ALMS1: variants seen among roughly 807,000 people sequenced by gnomAD.
ALMS1 encodes the protein centrosome-associated protein ALMS1.
A neutral mutation model predicts 352.2 loss-of-function variants in ALMS1; 271 were observed. That is an observed-to-expected ratio of 0.77 (90% CI 0.70 to 0.85). The LOEUF is 0.85. Ranked by LOEUF, ALMS1 falls within the 40% of genes least tolerant of loss-of-function variation. The probability of loss-of-function intolerance (pLI) is 0.00; values close to 1 mark genes in which losing one functional copy is unlikely to be tolerated. For synonymous variants in ALMS1, 1,865 were observed against 1,761.2 expected, an observed-to-expected ratio of 1.06 and a Z score of -1.48; for missense variants, 5,445 against 4,870.7, an observed-to-expected ratio of 1.12 and a Z score of -3.51.
chr2:73,602,458 G>A, intron 20 of ALMS1, 90 bp downstream of exon 20: 1 of 1,505,306 alleles, frequency 6.6e-7, no homozygotes, highest in Non-Finnish European at 9.2e-7. Flanking sequence ...GGCCAGCCCA[G>A]GCCAGTTACC....
At chr2:73,417,879 G>A (rs1671207152) in intron 2 of ALMS1, among the ~76,000 whole-genome samples, 1 of 152,036 alleles carries the variant, frequency 6.6e-6, no homozygotes, top group Non-Finnish European at 1.5e-5. Flanking sequence ...TATTTAATAC[G>A]ACTTTAATTC....
chr2:73,504,810 C>T (rs537514716), intron 10 of ALMS1, among the ~76,000 whole-genome samples: 36 of 152,104 alleles, frequency 2.4e-4, no homozygotes, highest in African/African-American at 8.4e-4. Flanking sequence ...ATACATGTGC[C>T]ATGGTGGTTT....
chr2:73,550,135 C>A, intron 12 of ALMS1, 132 bp from the exon 13 acceptor site: 1 of 875,304 alleles, frequency 1.1e-6, no homozygotes, highest in Non-Finnish European at 1.8e-6. Context: ...GCTGGGATTA[C>A]AGGCATGAGC....
intron 5 of ALMS1, among the ~76,000 whole-genome samples, chr2:73,425,793 A>G (rs1326179416): frequency 6.6e-6 from 1 of 152,240 alleles, no homozygotes; most frequent in Non-Finnish European, 1.5e-5. Context: ...TGTTTGAACC[A>G]GCAGCTTCAA....
intron 11 of ALMS1, among the ~76,000 whole-genome samples, chr2:73,532,601 G>A (rs902861138): frequency 5.9e-5 from 9 of 151,894 alleles, no homozygotes; most frequent in Non-Finnish European, 8.8e-5. Context: ...AATGCTTCTA[G>A]GCCTGGAACT....
Position 73,432,210 on chromosome 2 carries a change from T to G in ALMS1, c.1351T>G (p.Ser451Ala). 1 of 1,612,724 alleles carries G rather than the reference T, an allele frequency of 6.2e-7. No homozygotes were observed. Among genetic ancestry groups the G allele is most frequent in the Non-Finnish European group, 8.5e-7 (1 of 1,178,964 alleles). Reference sequence around the variant, plus strand: ...TGTTCCACATAAGCCAACAAGAGAGTCGGAATATCACTCTTCAGATCTCAG... The same window carrying G: ...TGTTCCACATAAGCCAACAAGAGAGGCGGAATATCACTCTTCAGATCTCAG... ...AELQRKPTRESEYHSSDLRML... is the reference protein window; with the variant it reads ...AELQRKPTREAEYHSSDLRML... The change falls in exon 7 of 23, where the codon TCG becomes GCG. Residue 451 changes from serine to alanine, a missense_variant. By Grantham distance (99) the Ser-to-Ala change is moderately conservative. Transcript: ENST00000613296.
At position 73,489,759 on chromosome 2, in the gene ALMS1, C is replaced by A; in HGVS notation, c.7800C>A (p.His2600Gln). 3.1e-6 allele frequency: 5 copies of A among 1,614,156 alleles called. No individual in the cohort carries two copies. Among genetic ancestry groups the A allele is most frequent in the East Asian group, 2.2e-5 (1 of 44,880 alleles). Residue 2600 changes from histidine to glutamine, a missense_variant, in exon 10 of 23, where the codon CAC becomes CAA. By Grantham distance (24) the His-to-Gln change is conservative (BLOSUM62 0). Transcript: ENST00000613296. The stretch of plus-strand genomic sequence containing the variant: ...CTGAACATCCACAACTAGATAGACA[C>A]CCTTGTGCTTTCAGATCTGCTGGAC... ...LTSEHPQLDR[H>Q]PCAFRSAGPS...
At chr2:73,558,915 TAAA>T in intron 14 of ALMS1, 54 bp from the exon 15 acceptor site, 2 of 1,574,512 alleles carry the variant, frequency 1.3e-6, no homozygotes, top group Non-Finnish European at 1.7e-6. Context: ...GAGAGACATT[TAAA>T]AATCTTTTAT....
rs115817471 is a variant in ALMS1 at position 73,426,707 on chromosome 2, A to G, written c.1338+154A>G. 9.9e-3 allele frequency among the ~76,000 whole-genome samples: 1,513 copies of G among 152,300 alleles called. 17 individuals are homozygous for G. Among genetic ancestry groups the G allele is most frequent in the Admixed American group, 0.013 (200 of 15,296 alleles). ...GTGAGTACATTGAGCTAGCAGCTTT[A>G]GAGAAATTTCATGGTGATCTAGAGA... is the stretch of plus-strand genomic sequence containing the variant. On this transcript the variant is annotated intron_variant, in intron 6 of 22. Transcript: ENST00000613296.
At position 73,452,815 on chromosome 2, in the gene ALMS1, T is replaced by G; in HGVS notation, c.6288T>G (p.Phe2096Leu). 1 of 1,613,794 alleles carries G rather than the reference T, an allele frequency of 6.2e-7. No individual in the cohort carries two copies. Among genetic ancestry groups the G allele is most frequent in the Non-Finnish European group, 8.5e-7 (1 of 1,179,972 alleles). Reference sequence around the variant, plus strand: ...CAGTATCTCTCTCTAGTTCTTATTTTCACAGAGAGAAATCGAATATTTTCA... The same window carrying G: ...CAGTATCTCTCTCTAGTTCTTATTTGCACAGAGAGAAATCGAATATTTTCA... Reference protein sequence around the residue: ...GKPVSLSSSYFHREKSNIFSP... With the variant: ...GKPVSLSSSYLHREKSNIFSP... Residue 2096 changes from phenylalanine to leucine, a missense_variant, in exon 8 of 23, where the codon TTT becomes TTG. Physicochemically the swap from Phe to Leu is conservative, Grantham distance 22. Coordinates refer to ENST00000613296, the MANE Select transcript of ALMS1 (RefSeq NM_001378454.1).
chr2:73,385,786 C>T (rs1670501049), upstream of ALMS1: 6 of 626,566 alleles, frequency 9.6e-6, no homozygotes, highest in Non-Finnish European at 1.4e-5. Context: ...CTAAGCTGGG[C>T]CACAACCGCC....
chr2:73,555,818 T>G (rs188455982), intron 13 of ALMS1, among the ~76,000 whole-genome samples: 50 of 152,256 alleles, frequency 3.3e-4, no homozygotes, highest in African/African-American at 1.1e-3. Context: ...ATACATAACG[T>G]TCAGAATCAA....
At chr2:73,404,857 A>G (rs1670941038) in intron 1 of ALMS1, among the ~76,000 whole-genome samples, 1 of 141,302 alleles carries the variant, frequency 7.1e-6, no homozygotes, top group Non-Finnish European at 1.5e-5. Context: ...TCTTCTTTAA[A>G]TGTATGGTAG....
intron 9 of ALMS1, among the ~76,000 whole-genome samples, chr2:73,461,587 C>A (rs190409550): frequency 6.6e-6 from 1 of 152,244 alleles, no homozygotes; most frequent in Non-Finnish European, 1.5e-5. Flanking sequence ...TCAGCAGCAA[C>A]GGAACAAAGC....
intron 1 of ALMS1, among the ~76,000 whole-genome samples, chr2:73,390,637 G>A (rs80172562): frequency 0.036 from 5,408 of 152,242 alleles, 311 homozygotes; most frequent in African/African-American, 0.12. Context: ...GACCATTCAG[G>A]CACTTCTTGT....
intron 6 of ALMS1, among the ~76,000 whole-genome samples, chr2:73,429,093 A>G (rs530851281): frequency 6.6e-6 from 1 of 152,306 alleles, no homozygotes; most frequent in Non-Finnish European, 1.5e-5. Flanking sequence ...AAATAGGAAT[A>G]GTAATAACCT....
At chr2:73,473,715 A>G (rs1672515396) in intron 9 of ALMS1, among the ~76,000 whole-genome samples, 1 of 152,142 alleles carries the variant, frequency 6.6e-6, no homozygotes, top group South Asian at 2.1e-4. Flanking sequence ...ACAAATAGAA[A>G]TTCTGCAGCT....
At chr2:73,446,096 A>G (rs1288886480) in intron 7 of ALMS1, among the ~76,000 whole-genome samples, 1 of 152,114 alleles carries the variant, frequency 6.6e-6, no homozygotes. Context: ...ATTCTTCTTT[A>G]ACATCGTGCA....
At chr2:73,567,495 A>G (rs573608685) in intron 15 of ALMS1, among the ~76,000 whole-genome samples, 1 of 152,226 alleles carries the variant, frequency 6.6e-6, no homozygotes, top group Non-Finnish European at 1.5e-5. Context: ...TCACAGTATT[A>G]CAATTTACAG....
Sources: gnomAD v4.1 joint callset for allele counts (sites outside exome capture counted in the v4.1 genomes callset) on GRCh38, gnomAD v4.1.1 for gene constraint, MANE v1.5 for transcripts, NCBI Gene and HGNC (gene_info 2026-07-23, HGNC 2026-07-21) for gene names.